Variants in AMOTL1 observed in about 807,000 individuals in gnomAD.
AMOTL1 encodes the protein angiomotin-like protein 1.
AMOTL1 carries 45 observed loss-of-function variants against 102.9 expected under a neutral mutation model. The observed-to-expected ratio is 0.44, with a 90% CI of 0.34 to 0.56. AMOTL1 has a LOEUF of 0.56. Ranked by LOEUF, AMOTL1 falls within the 20% of genes least tolerant of loss-of-function variation. The probability of loss-of-function intolerance (pLI) is 0.01; values close to 1 mark genes in which losing one functional copy is unlikely to be tolerated. For missense variants in AMOTL1, 1,114 were observed against 1,225.6 expected (o/e 0.91, Z 1.36); for synonymous variants, 481 against 484.7 (o/e 0.99, Z 0.10).
chr11:94,720,347 C>T (rs905103228), intron 1 of AMOTL1, among the ~76,000 whole-genome samples: 6 of 152,024 alleles, frequency 3.9e-5, no homozygotes, highest in Non-Finnish European at 8.8e-5. Flanking sequence ...CCAGAAACAG[C>T]GAAACAGCTG....
In AMOTL1 at chr11:94,873,781, A is replaced by ACACATG. The variant is rs1555085234; in HGVS notation, c.*2990_*2991insTGCACA. On this transcript the variant is annotated 3_prime_UTR_variant, in exon 13 of 13. Coordinates refer to ENST00000433060, the MANE Select transcript of AMOTL1 (RefSeq NM_130847.3). ...TGTGTGTGTGCACGTGTAACTACAC[A>ACACATG]CACACACACACACACACACACACAC... The ACACATG allele has an allele frequency of 8.4e-6, 1 of 119,448 alleles. No individual in the cohort carries two copies. The highest frequency in any genetic ancestry group is 1.6e-5 in the Non-Finnish European group (1 of 60,638). The allele number at this position is 119,448 out of a possible 1,614,324, so 7.4% of individuals were successfully genotyped here. A position where few individuals can be genotyped will look rare whatever the true frequency, so the allele number is the denominator to read the frequency against.
chr11:94,848,555 A>G (rs1952467868), intron 6 of AMOTL1, among the ~76,000 whole-genome samples: 1 of 152,224 alleles, frequency 6.6e-6, no homozygotes. Flanking sequence ...TGTGCAGTCA[A>G]GAAGGAAGGA....
intron 1 of AMOTL1, among the ~76,000 whole-genome samples, chr11:94,717,323 G>A (rs1340140879): frequency 6.7e-6 from 1 of 148,762 alleles, no homozygotes; most frequent in Admixed American, 6.8e-5. Flanking sequence ...AACAATTTCT[G>A]GCAGGAAAAG....
intron 1 of AMOTL1, among the ~76,000 whole-genome samples, chr11:94,713,061 G>GT (rs1478201019): frequency 1.3e-5 from 2 of 150,624 alleles, no homozygotes; most frequent in African/African-American, 2.4e-5. Context: ...GTTTTGTTTT[G>GT]TTTTTTGCCT....
chr11:94,825,136 T>C (rs72973806), intron 4 of AMOTL1, among the ~76,000 whole-genome samples: 37,862 of 152,128 alleles, frequency 0.25, 5,332 homozygotes, highest in East Asian at 0.46. Context: ...ACTTAATTAA[T>C]GATGGAGTTT....
chr11:94,738,465 C>T (rs1327943986), intron 2 of AMOTL1, among the ~76,000 whole-genome samples: 1 of 152,090 alleles, frequency 6.6e-6, no homozygotes. Context: ...ACCATGTTGG[C>T]CAGGCTGGTC....
chr11:94,744,029 G>T (rs1353910939), intron 3 of AMOTL1, among the ~76,000 whole-genome samples: 1 of 152,022 alleles, frequency 6.6e-6, no homozygotes, highest in Non-Finnish European at 1.5e-5. Context: ...TAAATATTTT[G>T]CAGCCACCAA....
intron 3 of AMOTL1, among the ~76,000 whole-genome samples, chr11:94,750,856 C>T (rs1388702448): frequency 2.0e-5 from 3 of 152,192 alleles, no homozygotes; most frequent in African/African-American, 7.2e-5. Flanking sequence ...CTGAGTAACT[C>T]AGTCTTTTCC....
At chr11:94,825,573 A>T (rs1431681861) in intron 4 of AMOTL1, among the ~76,000 whole-genome samples, 1 of 152,144 alleles carries the variant, frequency 6.6e-6, no homozygotes, top group African/African-American at 2.4e-5. Flanking sequence ...GAGCTCCCTG[A>T]CACCTAGGCC....
intron 1 of AMOTL1, among the ~76,000 whole-genome samples, chr11:94,772,311 A>G (rs1276588735): frequency 6.6e-6 from 1 of 152,142 alleles, no homozygotes; most frequent in Non-Finnish European, 1.5e-5. Context: ...GGTACAGACT[A>G]TTTTATTACC....
chr11:94,817,208 G>C (rs1044790391), intron 3 of AMOTL1, among the ~76,000 whole-genome samples: 3 of 151,412 alleles, frequency 2.0e-5, no homozygotes, highest in Non-Finnish European at 4.4e-5. Flanking sequence ...AAGAATAAAG[G>C]TTTATGCTTT....
At position 94,780,097 on chromosome 11, in the gene AMOTL1, G is replaced by A. The variant is rs60803899; in HGVS notation, c.49+11537G>A. Among the ~76,000 whole-genome samples the A allele has an allele frequency of 3.5e-3, 538 of 152,268 alleles. 20 individuals carry two copies. The East Asian group carries it at 0.077, about 22-fold the overall frequency. On this transcript the variant is annotated intron_variant, in intron 1 of 12. Coordinates refer to ENST00000433060, the MANE Select transcript of AMOTL1 (RefSeq NM_130847.3). The stretch of plus-strand genomic sequence containing the variant: ...CTATTATATCAGAGATGAAATGAAA[G>A]AAAAATTATGGAACAAAGGTGCTAG...
At position 94,826,054 on chromosome 11, in the gene AMOTL1, G is replaced by A. The variant is rs577751018; in HGVS notation, c.1414-3996G>A. On this transcript the variant is annotated intron_variant, in intron 4 of 12. Coordinates refer to ENST00000433060, the MANE Select transcript of AMOTL1 (RefSeq NM_130847.3). ...AATCCCAGCACTTTGGGAGTCCAAG[G>A]CAGGTGGATCACTTGAGATCAGGAG... Among the ~76,000 whole-genome samples, 268 of 152,310 alleles carry A rather than the reference G, an allele frequency of 1.8e-3. 1 individual carries two copies. The highest frequency in any genetic ancestry group is 3.4e-3 in the Middle Eastern group (1 of 294).
chr11:94,757,539 G>C (rs1417186185), intron 3 of AMOTL1, among the ~76,000 whole-genome samples: 3 of 152,078 alleles, frequency 2.0e-5, no homozygotes, highest in Non-Finnish European at 4.4e-5. Flanking sequence ...GTAACATGCT[G>C]AGAATAATGC....
intron 9 of AMOTL1, 56 bp from the exon 10 acceptor site, chr11:94,864,679 A>T (rs1461856723): frequency 1.3e-6 from 2 of 1,581,746 alleles, no homozygotes. Context: ...GTCTGTTTGC[A>T]TTGAGACAAA....
rs770405208 is a variant in AMOTL1, at chr11:94,869,251, C to A, written c.2542C>A (p.Pro848Thr). 4.3e-5 allele frequency: 69 copies of A among 1,612,766 alleles called. 1 individual carries two copies. The highest frequency in any genetic ancestry group is 3.3e-4 in the Middle Eastern group (2 of 6,080). Residue 848 changes from proline to threonine, a missense_variant, in exon 12 of 13, where the codon CCC becomes ACC. Transcript: ENST00000433060. ...HEHASAPLLPPPPTSALSSIA... is the reference protein window; with the variant it reads ...HEHASAPLLPTPPTSALSSIA... The stretch of plus-strand genomic sequence containing the variant: ...GCATGCCTCTGCCCCACTGCTGCCA[C>A]CCCCACCCACCTCAGCACTGTCCTC...
intron 2 of AMOTL1, among the ~76,000 whole-genome samples, chr11:94,731,433 A>T (rs1369321403): frequency 1.3e-5 from 2 of 152,160 alleles, no homozygotes; most frequent in East Asian, 1.9e-4. Flanking sequence ...ATGAGATCCA[A>T]GAAAGGTGCA....
intron 7 of AMOTL1, among the ~76,000 whole-genome samples, chr11:94,852,977 C>T (rs1194918105): frequency 5.3e-5 from 8 of 152,010 alleles, no homozygotes; most frequent in African/African-American, 1.7e-4. Flanking sequence ...GATAAGCATG[C>T]TTAATGCTAA....
intron 12 of AMOTL1, among the ~76,000 whole-genome samples, chr11:94,870,483 C>T (rs1318316419): frequency 5.3e-5 from 8 of 152,184 alleles, no homozygotes; most frequent in African/African-American, 1.7e-4. Context: ...TGAATCCTCT[C>T]CCTTCACCAT....
Sources: gnomAD v4.1 joint callset for allele counts (sites outside exome capture counted in the v4.1 genomes callset) on GRCh38, gnomAD v4.1.1 for gene constraint, MANE v1.5 for transcripts, NCBI Gene and HGNC (gene_info 2026-07-23, HGNC 2026-07-21) for gene names.